The following SPOCK2 variants were observed in gnomAD, a reference collection of about 807,000 sequenced individuals.
SPOCK2 encodes SPARC (osteonectin), cwcv and kazal like domains proteoglycan 2, also known as testican-2.
Under a neutral mutation model 60.1 loss-of-function variants are expected in SPOCK2, and 39 were observed. The observed-to-expected ratio is 0.65, with a 90% confidence interval of 0.50 to 0.85. SPOCK2 has a LOEUF of 0.85. Ranked by LOEUF, SPOCK2 falls within the 40% of genes least tolerant of loss-of-function variation. The probability of loss-of-function intolerance (pLI) is 0.00; values close to 1 mark genes in which losing one functional copy is unlikely to be tolerated. For synonymous variants in SPOCK2, 217 were observed against 231.5 expected (o/e 0.94, Z 0.57); for missense variants, 523 against 567.4 (o/e 0.92, Z 0.80).
At chr10:72,072,868 G>A in intron 2 of SPOCK2, 34 bp downstream of exon 2, 2 of 1,552,742 alleles carry the variant, frequency 1.3e-6, no homozygotes, top group Middle Eastern at 1.7e-4. Flanking sequence ...GCTCTGCAGA[G>A]ACCACACAGA....
At chr10:72,084,481 T>C (rs1428189626) in intron 1 of SPOCK2, among the ~76,000 whole-genome samples, 2 of 151,674 alleles carry the variant, frequency 1.3e-5, no homozygotes, top group Non-Finnish European at 2.9e-5. Flanking sequence ...GGGTGGGGAG[T>C]AGGCTATAGG....
intron 1 of SPOCK2, chr10:72,086,676 A>T (rs756911051): frequency 2.3e-6 from 3 of 1,293,464 alleles, no homozygotes; most frequent in Non-Finnish European, 3.0e-6. Context: ...GACAGGTCGC[A>T]TGTGGGGCGA....
chr10:72,062,555 ACACACATGCATG>A lies in SPOCK2; in HGVS notation c.*193_*204del, dbSNP rs1840505463. The A allele has an allele frequency of 1.1e-5, 10 of 926,384 alleles. No individual in the cohort carries two copies. The highest frequency in any genetic ancestry group is 5.4e-5 in the South Asian group (3 of 55,860). The allele number at this position is 926,384 out of a possible 1,614,324, so 57.4% of individuals were successfully genotyped here. On this transcript the variant is annotated 3_prime_UTR_variant, in exon 11 of 11. Coordinates refer to ENST00000373109, the MANE Select transcript of SPOCK2 (RefSeq NM_001244950.2). This position sits in a 1 kb window ranked among gnomAD's most constrained non-coding sequence, Gnocchi z 4.3. Reference sequence around the variant, plus strand: ...GCGCATGCCACACACACACACACATACACACATGCATGCACACATGCACTCACACTGTCACCC... The same window carrying A: ...GCGCATGCCACACACACACACACATACACACATGCACTCACACTGTCACCC...
intron 9 of SPOCK2, among the ~76,000 whole-genome samples, chr10:72,063,798 C>T (rs1394502942): frequency 1.3e-5 from 2 of 152,134 alleles, no homozygotes; most frequent in Non-Finnish European, 2.9e-5. Flanking sequence ...TCTCTGGGGC[C>T]GGCCCCCAGG....
intron 1 of SPOCK2, 46 bp downstream of exon 1, chr10:72,088,094 G>A (rs770969804): frequency 1.9e-6 from 3 of 1,600,726 alleles, no homozygotes; most frequent in South Asian, 1.1e-5. Context: ...CTCAATCCCC[G>A]AACCCGCAAC....
chr10:72,080,365 C>T (rs1246389676), intron 1 of SPOCK2, among the ~76,000 whole-genome samples: 1 of 152,230 alleles, frequency 6.6e-6, no homozygotes, highest in African/African-American at 2.4e-5. Context: ...CCTCATTCCT[C>T]AGGCAACGGG....
chr10:72,073,794 T>G (rs1840679850), intron 1 of SPOCK2, among the ~76,000 whole-genome samples: 1 of 152,260 alleles, frequency 6.6e-6, no homozygotes. Context: ...GCCTCCCACC[T>G]GACCCAGCTC....
intron 8 of SPOCK2, among the ~76,000 whole-genome samples, chr10:72,065,559 G>C (rs184355378): frequency 1.1e-4 from 16 of 152,354 alleles, no homozygotes; most frequent in Admixed American, 5.2e-4. Flanking sequence ...GTCAAGTGAC[G>C]CATGACTGTA....
At chr10:72,078,467 C>T (rs1046918551) in intron 1 of SPOCK2, among the ~76,000 whole-genome samples, 3 of 151,620 alleles carry the variant, frequency 2.0e-5, no homozygotes, top group South Asian at 2.1e-4. Context: ...GCCAAGATCA[C>T]GCCACTGCAC....
Position 72,063,287 on chromosome 10 carries a change from G to A in SPOCK2, c.992-125C>T, listed in dbSNP as rs1840522569. 2.9e-6 allele frequency: 4 copies of A among 1,383,426 alleles called. 1 individual carries two copies. Among genetic ancestry groups the A allele is most frequent in the South Asian group, 1.4e-5 (1 of 70,590 alleles). 85.7% of individuals were successfully genotyped at this position (1,383,426 alleles called of 1,614,324 possible). Reference sequence around the variant, plus strand: ...CACCCCCAGAGCCCAGCCAGACCGGGTGCTGACCCCCCAACAGGCCCAGAT... The same window carrying A: ...CACCCCCAGAGCCCAGCCAGACCGGATGCTGACCCCCCAACAGGCCCAGAT... On this transcript the variant is annotated intron_variant, in intron 9 of 10. Coordinates refer to ENST00000373109, the MANE Select transcript of SPOCK2 (RefSeq NM_001244950.2).
chr10:72,066,785 G>A, intron 8 of SPOCK2, 117 bp downstream of exon 8: 1 of 1,181,336 alleles, frequency 8.5e-7, no homozygotes, highest in Non-Finnish European at 1.2e-6. Flanking sequence ...AGCTGGGAAA[G>A]TGCTGGGCCT....
chr10:72,086,412 C>A, intron 1 of SPOCK2: 1 of 1,003,432 alleles, frequency 1.0e-6, no homozygotes, highest in South Asian at 4.2e-5. Flanking sequence ...TTATTTTAAA[C>A]CTTTCCTGTT....
At position 72,086,302 on chromosome 10, in the gene SPOCK2, G is replaced by A. The variant is rs887062274; in HGVS notation, c.189+1838C>T. The A allele has an allele frequency of 2.5e-5, 25 of 989,924 alleles. No homozygotes were observed. The African/African-American group carries it at 4.0e-4, about 16-fold the overall frequency. 61.3% of individuals were successfully genotyped at this position (989,924 alleles called of 1,614,324 possible). A position where few individuals can be genotyped will look rare whatever the true frequency, so the allele number is the denominator to read the frequency against. Reference sequence around the variant, plus strand: ...TGGCACCAATACAGAGAGACAGGTGGGTAGCCCAGTGCCATGGGGTCAAGC... The same window carrying A: ...TGGCACCAATACAGAGAGACAGGTGAGTAGCCCAGTGCCATGGGGTCAAGC... On this transcript the variant is annotated intron_variant, in intron 1 of 10. Coordinates refer to ENST00000373109, the MANE Select transcript of SPOCK2 (RefSeq NM_001244950.2).
chr10:72,079,501 T>C (rs2131820853), intron 1 of SPOCK2, among the ~76,000 whole-genome samples: 1 of 152,256 alleles, frequency 6.6e-6, no homozygotes, highest in South Asian at 2.1e-4. Context: ...GCAGCTCAGC[T>C]CAGTTGCCAT....
intron 8 of SPOCK2, among the ~76,000 whole-genome samples, chr10:72,065,622 C>T (rs900823524): frequency 3.3e-5 from 5 of 152,240 alleles, no homozygotes; most frequent in East Asian, 1.9e-4. Flanking sequence ...CCCACCTCTC[C>T]AAGCTGGAAG....
intron 1 of SPOCK2, among the ~76,000 whole-genome samples, chr10:72,084,130 A>G (rs541434805): frequency 6.6e-6 from 1 of 152,312 alleles, no homozygotes; most frequent in South Asian, 2.1e-4. Context: ...TCTGCAGTGA[A>G]TGAGTGACAG....
At chr10:72,066,560 C>T (rs866178322) in intron 8 of SPOCK2, among the ~76,000 whole-genome samples, 65 of 150,850 alleles carry the variant, frequency 4.3e-4, no homozygotes, top group African/African-American at 1.5e-3. Flanking sequence ...GGGCTGGTCG[C>T]CAACTCCTGG....
At chr10:72,075,423 G>A (rs1302378159) in intron 1 of SPOCK2, among the ~76,000 whole-genome samples, 1 of 151,880 alleles carries the variant, frequency 6.6e-6, no homozygotes, top group East Asian at 1.9e-4. Flanking sequence ...AGTAGGGAAG[G>A]TGCCTCCAGC....
At position 72,067,850 on chromosome 10, in the gene SPOCK2, C is replaced by T. The variant is rs1840591933; in HGVS notation, c.590-118G>A. 3.4e-6 allele frequency: 5 copies of T among 1,461,204 alleles called. No homozygotes were observed. In the East Asian group the frequency reaches 7.5e-5, roughly 22 times the overall value. The allele number at this position is 1,461,204 out of a possible 1,614,324, so 90.5% of individuals were successfully genotyped here. On this transcript the variant is annotated intron_variant, in intron 6 of 10. Transcript: ENST00000373109. Reference sequence around the variant, plus strand: ...TGGGCAGGGGTCCGGGAGGCAGCAGCAGAAGGGAAGGTGGAAATCGGGGGC... The same window carrying T: ...TGGGCAGGGGTCCGGGAGGCAGCAGTAGAAGGGAAGGTGGAAATCGGGGGC...
Sources: allele counts gnomAD v4.1 joint callset (sites outside exome capture counted in the v4.1 genomes callset), GRCh38; gene constraint gnomAD v4.1.1; non-coding constraint Gnocchi (gnomAD v3.1); transcripts MANE v1.5; gene names NCBI Gene and HGNC (gene_info 2026-07-23, HGNC 2026-07-21).